Variants in ITGA4 observed in about 807,000 individuals in gnomAD.
ITGA4 encodes integrin alpha-4.
In ITGA4, 63 loss-of-function variants were observed where a neutral mutation model predicts 133.6. The ratio of observed to expected loss-of-function variants is 0.47; its 90% CI spans 0.38 to 0.58. The LOEUF is 0.58. ITGA4 is among the 20% of genes least tolerant of loss of function. The probability of loss-of-function intolerance (pLI) is 0.00; values close to 1 mark genes in which losing one functional copy is unlikely to be tolerated. For missense variants in ITGA4, 1,076 were observed against 1,252.7 expected (o/e 0.86, Z 2.13); for synonymous variants, 483 against 438.0 (o/e 1.10, Z -1.28).
At position 181,480,132 on chromosome 2, in the gene ITGA4, TACAGG is replaced by T. The variant is rs1574385919; in HGVS notation, c.625-3_626del. The T allele has an allele frequency of 1.3e-6, 2 of 1,542,188 alleles. No individual in the cohort carries two copies. Among genetic ancestry groups the T allele is most frequent in the Non-Finnish European group, 1.7e-6 (2 of 1,150,520 alleles). On this transcript the variant is annotated splice_acceptor_variant and splice_polypyrimidine_tract_variant and coding_sequence_variant and intron_variant, in exon 6 of 28. Transcript: ENST00000397033. LOFTEE classifies it high-confidence loss of function. ...TAAATAATAATAGTTTTTTTTTTCT[TACAGG>T]ATTTAATTGTGATGGGGGCCCCAGG... is the stretch of plus-strand genomic sequence containing the variant.
At chr2:181,526,158 A>G (rs561706712) in intron 21 of ITGA4, among the ~76,000 whole-genome samples, 1 of 152,352 alleles carries the variant, frequency 6.6e-6, no homozygotes, top group Non-Finnish European at 1.5e-5. Flanking sequence ...GGCCATTCAC[A>G]GGAGAGTAAG....
intron 2 of ITGA4, among the ~76,000 whole-genome samples, chr2:181,469,680 T>C (rs1413424350): frequency 1.3e-5 from 2 of 152,122 alleles, no homozygotes; most frequent in Non-Finnish European, 2.9e-5. Context: ...TGTCCATCAA[T>C]GTAGACTGGA....
chr2:181,460,566 A>AATATGT (rs79689303), intron 2 of ITGA4, among the ~76,000 whole-genome samples: 63 of 147,958 alleles, frequency 4.3e-4, no homozygotes, highest in African/African-American at 1.5e-3. Flanking sequence ...TCTGTAGAAG[A>AATATGT]GTGTGTGTGT....
chr2:181,531,328 G>A (rs1020834772), intron 24 of ITGA4, among the ~76,000 whole-genome samples: 1 of 151,986 alleles, frequency 6.6e-6, no homozygotes, highest in Non-Finnish European at 1.5e-5. Flanking sequence ...AATGATCCAC[G>A]TTTTACAACA....
intron 5 of ITGA4, 153 bp downstream of exon 5, chr2:181,478,977 T>G (rs1388528188): frequency 2.4e-6 from 1 of 418,260 alleles, no homozygotes; most frequent in Non-Finnish European, 4.4e-6. Context: ...TTTTTGCCAC[T>G]CAAAATTCCA....
rs1687178121 is a variant in ITGA4, at chr2:181,537,252, T to TGGTTCTTTCCTACTCAGA, written c.*1726_*1743dup. The TGGTTCTTTCCTACTCAGA allele has an allele frequency of 2.2e-6, 1 of 453,768 alleles. No homozygotes were observed. The highest frequency in any genetic ancestry group is 4.4e-6 in the Non-Finnish European group (1 of 226,738). 28.1% of individuals were successfully genotyped at this position (453,768 alleles called of 1,614,324 possible). A position where few individuals can be genotyped will look rare whatever the true frequency, so the allele number is the denominator to read the frequency against. ...GATGGTCTCTAAGGAAATTTACATT[T>TGGTTCTTTCCTACTCAGA]GGTTCTTTCCTACTCAGAACTACTC... On this transcript the variant is annotated 3_prime_UTR_variant, in exon 28 of 28. Coordinates refer to ENST00000397033, the MANE Select transcript of ITGA4 (RefSeq NM_000885.6).
chr2:181,497,393 A>G (rs1686177357), intron 14 of ITGA4, among the ~76,000 whole-genome samples: 1 of 152,234 alleles, frequency 6.6e-6, no homozygotes, highest in African/African-American at 2.4e-5. Flanking sequence ...AGGACATTTT[A>G]ACTCTTACTA....
At chr2:181,524,127 C>G (rs776935185) in intron 19 of ITGA4, 44 bp from the exon 20 acceptor site, 1 of 1,277,036 alleles carries the variant, frequency 7.8e-7, no homozygotes, top group Non-Finnish European at 1.1e-6. Flanking sequence ...AAAAAATGTA[C>G]TTAAGATTTT....
chr2:181,498,868 G>T, intron 15 of ITGA4, 91 bp downstream of exon 15: 4 of 1,444,872 alleles, frequency 2.8e-6, no homozygotes. Context: ...TTTATAAAAT[G>T]TAGATAAAAG....
intron 22 of ITGA4, among the ~76,000 whole-genome samples, chr2:181,529,022 CT>C (rs1686888366): frequency 6.6e-6 from 1 of 152,170 alleles, no homozygotes. Context: ...CTTTCTCCTG[CT>C]GATTATCCCC....
Position 181,515,072 on chromosome 2 carries a change from C to T in ITGA4, c.1922+3297C>T, listed in dbSNP as rs545480751. On this transcript the variant is annotated intron_variant, in intron 17 of 27. Coordinates refer to ENST00000397033, the MANE Select transcript of ITGA4 (RefSeq NM_000885.6). ...AGATTCCTAGGCCCCAGACCATCCA[C>T]GTCAGAACTAAAGGGGACCAGGCCA... 3.8e-4 allele frequency among the ~76,000 whole-genome samples: 58 copies of T among 152,138 alleles called. 2 individuals are homozygous for T. In the South Asian group the frequency reaches 0.011, roughly 28 times the overall value.
intron 4 of ITGA4, chr2:181,476,072 C>A: frequency 2.3e-6 from 1 of 431,900 alleles, no homozygotes; most frequent in Non-Finnish European, 4.0e-6. Context: ...ATTATGGGTG[C>A]TAATAAGACT....
chr2:181,527,682 A>G (rs1249062301), intron 22 of ITGA4, among the ~76,000 whole-genome samples: 3 of 152,020 alleles, frequency 2.0e-5, no homozygotes, highest in Non-Finnish European at 4.4e-5. Flanking sequence ...TGAATTTGCT[A>G]GAGACACATA....
intron 2 of ITGA4, among the ~76,000 whole-genome samples, chr2:181,465,764 T>C (rs1685396250): frequency 6.6e-6 from 1 of 152,164 alleles, no homozygotes; most frequent in Non-Finnish European, 1.5e-5. Flanking sequence ...CAACTAATTG[T>C]CTGGCAGCAT....
intron 4 of ITGA4, among the ~76,000 whole-genome samples, chr2:181,478,409 G>A (rs1033339433): frequency 2.6e-5 from 4 of 152,000 alleles, no homozygotes; most frequent in Admixed American, 6.6e-5. Context: ...CTATGTATAC[G>A]CATATCAAAC....
At chr2:181,477,884 T>A (rs1288713157) in intron 4 of ITGA4, among the ~76,000 whole-genome samples, 2 of 151,982 alleles carry the variant, frequency 1.3e-5, no homozygotes, top group Admixed American at 1.3e-4. Context: ...CATAAAGAGA[T>A]CTGCGTTTTT....
chr2:181,483,675 A>G (rs190981747), intron 9 of ITGA4, among the ~76,000 whole-genome samples: 12 of 152,278 alleles, frequency 7.9e-5, no homozygotes, highest in Admixed American at 7.9e-4. Context: ...TTTAACCTAC[A>G]TTTAATAGTA....
Position 181,495,775 on chromosome 2 carries a change from C to T in ITGA4, c.1386-8C>T. ...CAATTAACATTGCTACTTTTATTTC[C>T]TTCTCAGGACAAGACCTGTAGTAAT... On this transcript the variant is annotated splice_region_variant and splice_polypyrimidine_tract_variant and intron_variant, in intron 13 of 27. Transcript: ENST00000397033. This position sits in a 1 kb window ranked among gnomAD's most constrained non-coding sequence, Gnocchi z 4.3. The T allele has an allele frequency of 1.2e-6, 2 of 1,603,870 alleles. No homozygotes were observed. The highest frequency in any genetic ancestry group is 1.7e-6 in the Non-Finnish European group (2 of 1,176,584).
At chr2:181,518,560 G>A (rs1686657394) in intron 17 of ITGA4, among the ~76,000 whole-genome samples, 1 of 151,970 alleles carries the variant, frequency 6.6e-6, no homozygotes. Context: ...TCATCAATTG[G>A]ATTGCTCTGT....
Sources: allele counts gnomAD v4.1 joint callset (sites outside exome capture counted in the v4.1 genomes callset), GRCh38; gene constraint gnomAD v4.1.1; non-coding constraint Gnocchi (gnomAD v3.1); transcripts MANE v1.5; gene names NCBI Gene and HGNC (gene_info 2026-07-23, HGNC 2026-07-21).